SORCS2: variants seen among roughly 807,000 people sequenced by gnomAD.
SORCS2 encodes the protein sortilin related VPS10 domain containing receptor 2, also known as VPS10 domain-containing receptor SorCS2.
Under a neutral mutation model 141.6 loss-of-function variants are expected in SORCS2, and 100 were observed. That is an observed-to-expected ratio of 0.71 (90% CI 0.60 to 0.83). SORCS2 has a LOEUF of 0.83. Among genes scored for constraint, SORCS2 ranks in the 40% least tolerant of loss-of-function variants. The pLI, the probability that SORCS2 is intolerant of heterozygous loss-of-function variation, is 0.00. For synonymous variants in SORCS2, 789 were observed against 676.9 expected (o/e 1.17, Z -2.57); for missense variants, 1,646 against 1,560.2 (o/e 1.05, Z -0.93).
At chr4:7,514,480 T>A (rs190030502) in intron 2 of SORCS2, among the ~76,000 whole-genome samples, 2,052 of 151,712 alleles carry the variant, frequency 0.014, 54 homozygotes, top group African/African-American at 0.047. Flanking sequence ...CAGGTAGCGA[T>A]ATGTGCTATG....
chr4:7,614,546 A>G (rs1174900684), intron 3 of SORCS2, among the ~76,000 whole-genome samples: 1 of 149,322 alleles, frequency 6.7e-6, no homozygotes, highest in Non-Finnish European at 1.5e-5. Context: ...GCATTTATCC[A>G]TCCTCTCATC....
chr4:7,374,445 A>G (rs1378647343), intron 1 of SORCS2, among the ~76,000 whole-genome samples: 1 of 152,094 alleles, frequency 6.6e-6, no homozygotes, highest in Non-Finnish European at 1.5e-5. Context: ...TCCCGTTGCA[A>G]TGAAAATCGG....
intron 2 of SORCS2, among the ~76,000 whole-genome samples, chr4:7,435,763 TG>T (rs1341265225): frequency 1.3e-5 from 2 of 152,268 alleles, no homozygotes; most frequent in African/African-American, 4.8e-5. Context: ...GAGAGTCAGC[TG>T]GGTGAGCACG....
chr4:7,430,523 C>A (rs887947523), intron 2 of SORCS2: 6 of 152,380 alleles, frequency 3.9e-5, no homozygotes, highest in African/African-American at 1.4e-4. Flanking sequence ...CCCAGGCCTC[C>A]GCCTTACGAT....
chr4:7,459,721 C>G (rs577514674), intron 2 of SORCS2, among the ~76,000 whole-genome samples: 1 of 152,344 alleles, frequency 6.6e-6, no homozygotes, highest in East Asian at 1.9e-4. Flanking sequence ...TGTCCCATCT[C>G]CAGACAAGCC....
At chr4:7,536,350 T>C (rs1056765895) in intron 3 of SORCS2, among the ~76,000 whole-genome samples, 1 of 152,220 alleles carries the variant, frequency 6.6e-6, no homozygotes, top group Non-Finnish European at 1.5e-5. Flanking sequence ...TTGCAACAAG[T>C]GGGAACTCGG....
At chr4:7,713,462 G>A (rs1725964723) in intron 15 of SORCS2, among the ~76,000 whole-genome samples, 3 of 152,146 alleles carry the variant, frequency 2.0e-5, no homozygotes, top group African/African-American at 7.2e-5. Flanking sequence ...CGGGGTGGAA[G>A]ACTTTACTCA....
At chr4:7,540,623 G>C (rs557676553) in intron 3 of SORCS2, among the ~76,000 whole-genome samples, 1 of 152,364 alleles carries the variant, frequency 6.6e-6, no homozygotes, top group South Asian at 2.1e-4. Flanking sequence ...CTGCTGCGCA[G>C]TTCTTCCTCC....
At chr4:7,676,372 A>G (rs1723113512) in intron 9 of SORCS2, 143 bp downstream of exon 9, 1 of 854,672 alleles carries the variant, frequency 1.2e-6, no homozygotes, top group African/African-American at 1.7e-5. Flanking sequence ...TACACAGCCA[A>G]ATATTTTAGG....
chr4:7,406,192 GT>G (rs57483819), intron 2 of SORCS2, among the ~76,000 whole-genome samples: 58,317 of 150,776 alleles, frequency 0.39, 12,084 homozygotes, highest in East Asian at 0.5. Context: ...TTGACCTGTC[GT>G]TTTTTTTTGT....
intron 2 of SORCS2, among the ~76,000 whole-genome samples, chr4:7,503,618 C>A (rs1732104028): frequency 6.6e-6 from 1 of 152,116 alleles, no homozygotes; most frequent in Non-Finnish European, 1.5e-5. Context: ...AGGGTATACC[C>A]AGGATGCAGG....
At chr4:7,394,407 AG>A (rs1553854566) in intron 1 of SORCS2, among the ~76,000 whole-genome samples, 2,023 of 29,868 alleles carry the variant, frequency 0.068, 22 homozygotes, top group Non-Finnish European at 0.11. Flanking sequence ...GCAGGGTTGG[AG>A]GGGGGGTGTA....
chr4:7,695,266 G>GGATGGATT (rs1724524903), intron 11 of SORCS2, among the ~76,000 whole-genome samples: 1 of 132,922 alleles, frequency 7.5e-6, no homozygotes. Flanking sequence ...TTAGATGGAT[G>GGATGGATT]GGTGGGTGGA....
At chr4:7,707,286 G>A (rs1324194629) in intron 14 of SORCS2, among the ~76,000 whole-genome samples, 3 of 152,170 alleles carry the variant, frequency 2.0e-5, no homozygotes, top group Non-Finnish European at 4.4e-5. Flanking sequence ...CATGGAGAAC[G>A]GGAACTTGTC....
chr4:7,466,627 G>A (rs1350149742), intron 2 of SORCS2, among the ~76,000 whole-genome samples: 1 of 152,196 alleles, frequency 6.6e-6, no homozygotes, highest in African/African-American at 2.4e-5. Context: ...TGTAGGAGGT[G>A]GGCACCTTGG....
intron 3 of SORCS2, among the ~76,000 whole-genome samples, chr4:7,590,573 A>G (rs892879478): frequency 9.9e-5 from 15 of 152,128 alleles, no homozygotes; most frequent in African/African-American, 3.6e-4. Context: ...TTGAGCCTCA[A>G]AGGTTCTGTG....
intron 4 of SORCS2, among the ~76,000 whole-genome samples, chr4:7,644,320 A>G (rs950835825): frequency 2.6e-5 from 4 of 152,274 alleles, no homozygotes; most frequent in Non-Finnish European, 5.9e-5. Flanking sequence ...GTGACTGGAC[A>G]CCGGAATGTG....
At chr4:7,516,956 C>T (rs1050838646) in intron 2 of SORCS2, among the ~76,000 whole-genome samples, 1 of 152,218 alleles carries the variant, frequency 6.6e-6, no homozygotes, top group East Asian at 1.9e-4. Context: ...CCTCTACCTC[C>T]TCCCTCCTCC....
At chr4:7,619,252 C>T (rs1226002339) in intron 3 of SORCS2, among the ~76,000 whole-genome samples, 1 of 152,186 alleles carries the variant, frequency 6.6e-6, no homozygotes, top group Non-Finnish European at 1.5e-5. Context: ...GAATGATGGC[C>T]AGGCGTAAGG....
Sources: gnomAD v4.1 joint callset for allele counts (sites outside exome capture counted in the v4.1 genomes callset) on GRCh38, gnomAD v4.1.1 for gene constraint, MANE v1.5 for transcripts, NCBI Gene and HGNC (gene_info 2026-07-23, HGNC 2026-07-21) for gene names.